CEP104: variants seen among roughly 807,000 people sequenced by gnomAD.
CEP104 encodes the protein centrosomal protein 104, also known as centrosomal protein of 104 kDa.
A neutral mutation model predicts 113.3 loss-of-function variants in CEP104; 84 were observed. The observed-to-expected ratio is 0.74, with a 90% CI of 0.62 to 0.89. The LOEUF (loss-of-function observed/expected upper bound fraction) is 0.89. CEP104 is among the 40% of genes least tolerant of loss of function. CEP104 has a pLI of 0.00. For synonymous variants in CEP104, 378 were observed against 421.7 expected, an observed-to-expected ratio of 0.90 and a Z score of 1.27; for missense variants, 1,053 against 1,156.6, an observed-to-expected ratio of 0.91 and a Z score of 1.30.
intron 13 of CEP104, among the ~76,000 whole-genome samples, chr1:3,830,218 A>G (rs1042035256): frequency 6.6e-6 from 1 of 151,996 alleles, no homozygotes; most frequent in Admixed American, 6.6e-5. Flanking sequence ...TAAGAAACAG[A>G]ACGCTGTGGC....
In CEP104 at chr1:3,834,990, A is replaced by C. The variant is rs764908334; in HGVS notation, c.1420T>G (p.Leu474Val). 1.2e-5 allele frequency: 20 copies of C among 1,613,376 alleles called. No individual in the cohort carries two copies. Among genetic ancestry groups the C allele is most frequent in the Non-Finnish European group, 1.4e-5 (16 of 1,179,750 alleles). ...EMPVGTPKED[L>V]KNTLRASVFL... The stretch of plus-strand genomic sequence containing the variant: ...ACGGATGCTCTCAGTGTGTTCTTTA[A>C]ATCTTCTTTTGGGGTTCCAACAGGC... Residue 474 changes from leucine to valine, a missense_variant, in exon 11 of 22, where the codon TTA (leucine) becomes GTA (valine). Transcript: ENST00000378230.
At chr1:3,832,891 G>A (rs753315551) in intron 12 of CEP104, among the ~76,000 whole-genome samples, 2 of 152,142 alleles carry the variant, frequency 1.3e-5, no homozygotes, top group African/African-American at 2.4e-5. Flanking sequence ...ATGTTGGCCA[G>A]GCTGGTCTCA....
At chr1:3,817,389 T>C (rs1317819789) in intron 20 of CEP104, among the ~76,000 whole-genome samples, 2 of 152,130 alleles carry the variant, frequency 1.3e-5, no homozygotes, top group African/African-American at 4.8e-5. Flanking sequence ...CGCTCTCCCA[T>C]TCTCTGGTGG....
In CEP104 at chr1:3,836,468, G is replaced by GT. The variant is rs36051675; in HGVS notation, c.1317+26dup. 0.27 allele frequency: 264,131 copies of GT among 988,336 alleles called. 16,360 individuals carry two copies. Among genetic ancestry groups the GT allele is most frequent in the African/African-American group, 0.33 (13,083 of 39,878 alleles). 61.2% of individuals were successfully genotyped at this position (988,336 alleles called of 1,614,324 possible). ...AGACTAGCCTCCCCTCTGCCACCCC[G>GT]TTTTTTTTTTTTTTTTTTTTTTTTA... On this transcript the variant is annotated intron_variant, in intron 10 of 21. Transcript: ENST00000378230.
chr1:3,816,448 C>A, intron 20 of CEP104, 78 bp from the exon 21 acceptor site: 1 of 1,219,650 alleles, frequency 8.2e-7, no homozygotes, highest in Non-Finnish European at 1.1e-6. Context: ...AAAGGACTCG[C>A]TGTGTAAGCT....
At chr1:3,821,616 C>G (rs1570769729) in intron 20 of CEP104, among the ~76,000 whole-genome samples, 1 of 152,178 alleles carries the variant, frequency 6.6e-6, no homozygotes, top group Non-Finnish European at 1.5e-5. Context: ...CACCGTCACA[C>G]ATATCACGCG....
intron 6 of CEP104, among the ~76,000 whole-genome samples, chr1:3,840,478 T>G (rs1419055354): frequency 6.6e-6 from 1 of 152,156 alleles, no homozygotes; most frequent in Non-Finnish European, 1.5e-5. Context: ...CCTCAAGTGA[T>G]CCACCAGTCT....
rs755423485 is a variant in CEP104 at position 3,829,969 on chromosome 1, A to G, written c.1865T>C (p.Val622Ala). The change falls in exon 14 of 22, where the codon GTG (valine) becomes GCG (alanine). Residue 622 changes from valine (V) to alanine (A), a missense_variant. By Grantham distance (64) the Val-to-Ala change is moderately conservative. Coordinates refer to ENST00000378230, the MANE Select transcript of CEP104 (RefSeq NM_014704.4). ...AACCGCCGTCTCGCGGACCTCATAC[A>G]CTCTATGCTCCAGGGCACTCACTGA... is the stretch of plus-strand genomic sequence containing the variant. Reference protein sequence around the residue: ...KFSVSALEHRVYEVRETAVRI... With the variant: ...KFSVSALEHRAYEVRETAVRI... The G allele has an allele frequency of 1.9e-6, 3 of 1,613,658 alleles. No homozygotes were observed. Among genetic ancestry groups the G allele is most frequent in the African/African-American group, 2.7e-5 (2 of 74,838 alleles).
chr1:3,826,866 G>A, intron 15 of CEP104, 122 bp from the exon 16 acceptor site: 5 of 973,486 alleles, frequency 5.1e-6, no homozygotes, highest in Non-Finnish European at 7.3e-6. Flanking sequence ...AATTTCTACT[G>A]GCTGGCAAGG....
In CEP104 at chr1:3,833,833, G is replaced by C. The variant is rs774598382; in HGVS notation, c.1659+29C>G. 4.4e-6 allele frequency: 7 copies of C among 1,608,696 alleles called. No homozygotes were observed. In the South Asian group the frequency reaches 5.5e-5, roughly 13 times the overall value. ...CTACAGGAATATGTTTATCATCTAC[G>C]GTTTCAAATGCCGTGGTGAAGTTCA... On this transcript the variant is annotated intron_variant, in intron 12 of 21. Coordinates refer to ENST00000378230, the MANE Select transcript of CEP104 (RefSeq NM_014704.4).
chr1:3,846,086 C>CAAAA (rs5772127), intron 4 of CEP104, among the ~76,000 whole-genome samples: 30 of 95,092 alleles, frequency 3.2e-4, no homozygotes, highest in South Asian at 1.6e-3. Flanking sequence ...AACTCCGTCT[C>CAAAA]AAAAAAAAAA....
intron 4 of CEP104, 78 bp downstream of exon 4, chr1:3,847,397 C>G (rs1644526822): frequency 7.4e-7 from 1 of 1,346,740 alleles, no homozygotes; most frequent in African/African-American, 1.5e-5. Context: ...GAAAATGCAT[C>G]TAAGAAAAGA....
At chr1:3,827,370 A>T (rs1644111872) in intron 15 of CEP104, among the ~76,000 whole-genome samples, 1 of 151,788 alleles carries the variant, frequency 6.6e-6, no homozygotes. Context: ...GCTCACCACC[A>T]TGTCTGGCTA....
chr1:3,837,634 G>A (rs1352717098), intron 8 of CEP104, 115 bp from the exon 9 acceptor site: 5 of 885,276 alleles, frequency 5.6e-6, no homozygotes, highest in Non-Finnish European at 6.8e-6. Flanking sequence ...AGGCTCCTTG[G>A]CACAATGAAA....
chr1:3,823,221 CCAGCTTCTCCGGTTTGG>C lies in CEP104; in HGVS notation c.2507_2523del (p.Ala836GlyfsTer9), dbSNP rs765630867. The C allele has an allele frequency of 1.2e-5, 20 of 1,614,188 alleles. No individual in the cohort carries two copies. Among genetic ancestry groups the C allele is most frequent in the Non-Finnish European group, 1.7e-5 (20 of 1,180,036 alleles). ...TCATGACACAGGGGACACCGGTTTG[CCAGCTTCTCCGGTTTGG>C]CAGCTGAAATGATTTTAAAAAGACT... On this transcript the variant is annotated frameshift_variant, in exon 20 of 22. Coordinates refer to ENST00000378230, the MANE Select transcript of CEP104 (RefSeq NM_014704.4). LOFTEE classifies it high-confidence loss of function. The surrounding 1 kb of genome is among the most constrained non-coding windows in gnomAD (Gnocchi z 4.1).
chr1:3,833,062 GA>G (rs959449489), intron 12 of CEP104, among the ~76,000 whole-genome samples: 1 of 148,576 alleles, frequency 6.7e-6, no homozygotes, highest in East Asian at 2.0e-4. Context: ...TCGGCTCACT[GA>G]AAACTCTGCC....
intron 15 of CEP104, 150 bp from the exon 16 acceptor site, chr1:3,826,894 C>T: frequency 1.2e-6 from 1 of 810,906 alleles, no homozygotes; most frequent in Middle Eastern, 2.3e-4. Flanking sequence ...TGCCCGTAAT[C>T]CCAGCACTTT....
chr1:3,856,625 G>A (rs1303112810), intron 1 of CEP104, among the ~76,000 whole-genome samples: 2 of 152,224 alleles, frequency 1.3e-5, no homozygotes, highest in East Asian at 1.9e-4. Flanking sequence ...AATATTCCAC[G>A]CTAAATGGGC....
At chr1:3,843,375 A>C in intron 6 of CEP104, 1 of 436,370 alleles carries the variant, frequency 2.3e-6, no homozygotes, top group Non-Finnish European at 4.1e-6. Flanking sequence ...AAATATGTAT[A>C]ATTTTTTTTT....
Sources: gnomAD v4.1 joint callset for allele counts (sites outside exome capture counted in the v4.1 genomes callset) on GRCh38, gnomAD v4.1.1 for gene constraint, Gnocchi (gnomAD v3.1) non-coding constraint, MANE v1.5 for transcripts, NCBI Gene and HGNC (gene_info 2026-07-23, HGNC 2026-07-21) for gene names.